ATG5: variants seen among roughly 807,000 people sequenced by gnomAD.
The protein encoded by ATG5 is autophagy protein 5.
In ATG5, 14 loss-of-function variants were observed where a neutral mutation model predicts 36.5. The ratio of observed to expected loss-of-function variants is 0.38; its 90% CI spans 0.25 to 0.60. The LOEUF is 0.60. ATG5 is among the 20% of genes least tolerant of loss of function. ATG5 has a pLI of 0.60. For missense variants in ATG5, 195 were observed against 326.7 expected, an observed-to-expected ratio of 0.60 and a Z score of 3.11; for synonymous variants, 95 against 101.5, an observed-to-expected ratio of 0.94 and a Z score of 0.38.
intron 5 of ATG5, among the ~76,000 whole-genome samples, chr6:106,254,377 A>G (rs764059395): frequency 4.3e-4 from 65 of 152,228 alleles, no homozygotes; most frequent in Non-Finnish European, 6.9e-4. Context: ...CATGAGGGCA[A>G]AGACTTTATC....
chr6:106,257,468 A>C (rs941892232), intron 5 of ATG5, among the ~76,000 whole-genome samples: 1 of 152,218 alleles, frequency 6.6e-6, no homozygotes, highest in Non-Finnish European at 1.5e-5. Flanking sequence ...TTACTAGGCC[A>C]TAAGAATTTT....
chr6:106,186,782 T>C lies in ATG5; in HGVS notation c.692-106A>G, dbSNP rs143781161. 639 of 1,315,036 alleles carry C rather than the reference T, an allele frequency of 4.9e-4. 4 individuals are homozygous for C. In the East Asian group the frequency reaches 0.013, roughly 27 times the overall value. 81.5% of individuals were successfully genotyped at this position (1,315,036 alleles called of 1,614,324 possible). A position where few individuals can be genotyped will look rare whatever the true frequency, so the allele number is the denominator to read the frequency against. On this transcript the variant is annotated intron_variant, in intron 7 of 7. Transcript: ENST00000369076. ...TAGTGCATTAAATGGATTTTAAACA[T>C]GTTTTGTCCCCTGAACAGGAAATGT... is the stretch of plus-strand genomic sequence containing the variant.
At chr6:106,199,498 A>G (rs1267785097) in intron 7 of ATG5, among the ~76,000 whole-genome samples, 1 of 152,262 alleles carries the variant, frequency 6.6e-6, no homozygotes, top group Admixed American at 6.5e-5. Context: ...TATGTGAAAT[A>G]TAATAGGCAA....
At chr6:106,308,916 ATCT>A (rs1770546189) in intron 2 of ATG5, among the ~76,000 whole-genome samples, 1 of 152,184 alleles carries the variant, frequency 6.6e-6, no homozygotes. Flanking sequence ...TATCAATCAA[ATCT>A]TCTCAACCAG....
At chr6:106,227,032 A>G (rs1777478963) in intron 6 of ATG5, among the ~76,000 whole-genome samples, 1 of 152,174 alleles carries the variant, frequency 6.6e-6, no homozygotes. Flanking sequence ...AAAGGGTCAG[A>G]GTATCTGAAA....
At chr6:106,321,649 C>T (rs775623968) in intron 1 of ATG5, among the ~76,000 whole-genome samples, 58 of 152,296 alleles carry the variant, frequency 3.8e-4, no homozygotes, top group Non-Finnish European at 2.9e-4. Flanking sequence ...TGAGCCACCG[C>T]GCCTGGCCAA....
chr6:106,276,492 T>G (rs1582642862), intron 5 of ATG5, among the ~76,000 whole-genome samples: 1 of 147,856 alleles, frequency 6.8e-6, no homozygotes, highest in Non-Finnish European at 1.5e-5. Flanking sequence ...AAACTGAAGC[T>G]CAAAGCAGTT....
At chr6:106,324,168 T>A in intron 1 of ATG5, among the ~76,000 whole-genome samples, 1 of 152,118 alleles carries the variant, frequency 6.6e-6, no homozygotes, top group East Asian at 1.9e-4. Flanking sequence ...ATTCAACCAA[T>A]CATGGATGAA....
At chr6:106,311,721 C>T (rs1169807294) in intron 2 of ATG5, among the ~76,000 whole-genome samples, 1 of 151,764 alleles carries the variant, frequency 6.6e-6, no homozygotes, top group East Asian at 1.9e-4. Flanking sequence ...AAGCAAGTGA[C>T]AAGATCAGAC....
chr6:106,208,254 C>CACATATGTGTATATACACATA (rs765039569), intron 6 of ATG5, among the ~76,000 whole-genome samples: 1 of 151,656 alleles, frequency 6.6e-6, no homozygotes, highest in Admixed American at 6.6e-5. Context: ...ATATATACAT[C>CACATATGTGTATATACACATA]TGTGTAAACA....
At chr6:106,276,985 C>A (rs945268249) in intron 5 of ATG5, among the ~76,000 whole-genome samples, 1 of 151,968 alleles carries the variant, frequency 6.6e-6, no homozygotes, top group Non-Finnish European at 1.5e-5. Flanking sequence ...TTGAGAAATG[C>A]CAGATGTATA....
chr6:106,189,790 G>A (rs910216122), intron 7 of ATG5, among the ~76,000 whole-genome samples: 42 of 151,974 alleles, frequency 2.8e-4, no homozygotes, highest in Non-Finnish European at 5.3e-4. Flanking sequence ...AATGAGAAAT[G>A]TCACTACAAA....
chr6:106,279,772 C>A lies in ATG5; in HGVS notation c.367G>T (p.Ala123Ser). Residue 123 changes from alanine (A) to serine (S), a missense_variant, in exon 5 of 8, where the codon GCT (alanine) becomes TCT (serine). By Grantham distance (99) the Ala-to-Ser change is moderately conservative. Transcript: ENST00000369076. ...LHCPSKDAIE[A>S]HFMSCMKEAD... ...TCTTTCATACATGACATAAAATGAG[C>A]TTCAATTGCATCCTTAGATGGACAG... The A allele has an allele frequency of 6.2e-7, 1 of 1,606,438 alleles. No individual in the cohort carries two copies. The highest frequency in any genetic ancestry group is 8.5e-7 in the Non-Finnish European group (1 of 1,175,986).
At chr6:106,233,009 C>A (rs1026155492) in intron 6 of ATG5, among the ~76,000 whole-genome samples, 1 of 152,160 alleles carries the variant, frequency 6.6e-6, no homozygotes, top group Non-Finnish European at 1.5e-5. Flanking sequence ...AGACTTGAGC[C>A]GGTTCTCATA....
chr6:106,298,313 A>G (rs902412889), intron 3 of ATG5, among the ~76,000 whole-genome samples: 1 of 152,164 alleles, frequency 6.6e-6, no homozygotes, highest in African/African-American at 2.4e-5. Context: ...CCCAGATGGT[A>G]AATGACGACA....
chr6:106,284,052 G>A (rs545002680), intron 4 of ATG5, among the ~76,000 whole-genome samples: 149 of 152,246 alleles, frequency 9.8e-4, no homozygotes, highest in African/African-American at 3.4e-3. Flanking sequence ...GATACATACA[G>A]TATTTTGTTT....
intron 4 of ATG5, among the ~76,000 whole-genome samples, chr6:106,281,713 T>C (rs524428): frequency 0.62 from 93,828 of 152,046 alleles, 30,667 homozygotes; most frequent in African/African-American, 0.84. Flanking sequence ...TGCTGGGTCA[T>C]AGAGTAAGTG....
chr6:106,202,334 G>A, intron 6 of ATG5: 4 of 350,986 alleles, frequency 1.1e-5, no homozygotes, highest in South Asian at 5.5e-5. Flanking sequence ...TAATTGGCTG[G>A]GACCCTTCAA....
chr6:106,203,720 A>T (rs1776524064), intron 6 of ATG5, among the ~76,000 whole-genome samples: 1 of 152,226 alleles, frequency 6.6e-6, no homozygotes, highest in Non-Finnish European at 1.5e-5. Flanking sequence ...AGCTGGGACT[A>T]CAGGTGTGAG....
Sources: allele counts gnomAD v4.1 joint callset (sites outside exome capture counted in the v4.1 genomes callset), GRCh38; gene constraint gnomAD v4.1.1; transcripts MANE v1.5; gene names NCBI Gene and HGNC (gene_info 2026-07-23, HGNC 2026-07-21).